MAGI2: variants seen among roughly 807,000 people sequenced by gnomAD.
MAGI2 encodes the protein membrane-associated guanylate kinase, WW and PDZ domain-containing protein 2.
In MAGI2, 35 loss-of-function variants were observed where a neutral mutation model predicts 133.3. The ratio of observed to expected loss-of-function variants is 0.26; its 90% CI spans 0.20 to 0.35. The LOEUF is 0.35. Among genes scored for constraint, MAGI2 ranks in the 10% least tolerant of loss-of-function variants. The pLI, the probability that MAGI2 is intolerant of heterozygous loss-of-function variation, is 1.00. For missense variants in MAGI2, 1,636 were observed against 1,863.4 expected, an observed-to-expected ratio of 0.88 and a Z score of 2.25; for synonymous variants, 729 against 710.6, an observed-to-expected ratio of 1.03 and a Z score of -0.41.
At chr7:79,379,554 T>C (rs573707537) in intron 1 of MAGI2, among the ~76,000 whole-genome samples, 21 of 152,080 alleles carry the variant, frequency 1.4e-4, no homozygotes, top group African/African-American at 5.1e-4. Flanking sequence ...TCCACAATGG[T>C]TGAACTAGTT....
intron 1 of MAGI2, among the ~76,000 whole-genome samples, chr7:79,433,600 G>T (rs549805087): frequency 1.3e-5 from 2 of 151,948 alleles, no homozygotes; most frequent in African/African-American, 4.8e-5. Context: ...GAGCCAACTT[G>T]CTTAATAAAC....
At chr7:78,352,160 C>G (rs1310892492) in intron 7 of MAGI2, among the ~76,000 whole-genome samples, 1 of 152,114 alleles carries the variant, frequency 6.6e-6, no homozygotes, top group Non-Finnish European at 1.5e-5. Context: ...ATTTATTTCC[C>G]AAAGTCTCTT....
intron 1 of MAGI2, among the ~76,000 whole-genome samples, chr7:79,086,165 G>GT (rs1816469216): frequency 6.6e-6 from 1 of 151,850 alleles, no homozygotes; most frequent in South Asian, 2.1e-4. Flanking sequence ...CTAAACAATT[G>GT]TTAGTGATTG....
chr7:78,986,024 C>A (rs565019981), intron 2 of MAGI2, among the ~76,000 whole-genome samples: 1 of 152,162 alleles, frequency 6.6e-6, no homozygotes, highest in South Asian at 2.1e-4. Flanking sequence ...TTGTCACATA[C>A]TATCAGTTAC....
chr7:78,486,399 T>C (rs141653880), intron 6 of MAGI2: 1,604 of 155,052 alleles, frequency 0.01, 11 homozygotes, highest in Non-Finnish European at 0.017. Flanking sequence ...TGGATCAAAT[T>C]CAGCCCGCCC....
At chr7:78,403,233 G>C (rs975428905) in intron 6 of MAGI2, among the ~76,000 whole-genome samples, 3 of 151,430 alleles carry the variant, frequency 2.0e-5, no homozygotes, top group Admixed American at 2.0e-4. Context: ...TCCCACCTAT[G>C]AGTGAGAACA....
At chr7:78,405,802 CTA>C (rs1251842375) in intron 6 of MAGI2, among the ~76,000 whole-genome samples, 1 of 151,864 alleles carries the variant, frequency 6.6e-6, no homozygotes, top group African/African-American at 2.4e-5. Context: ...TTTTGCATTT[CTA>C]TGTTTGACTT....
At chr7:78,405,043 C>T (rs1476824) in intron 6 of MAGI2, among the ~76,000 whole-genome samples, 123,299 of 152,078 alleles carry the variant, frequency 0.81, 50,136 homozygotes, top group African/African-American at 0.85. Flanking sequence ...CTGCAAACAA[C>T]TGGGGTTCTT....
chr7:78,279,833 G>T (rs138536912), intron 9 of MAGI2, among the ~76,000 whole-genome samples: 1 of 152,118 alleles, frequency 6.6e-6, no homozygotes, highest in African/African-American at 2.4e-5. Context: ...TCCAATAGCA[G>T]GATCTGTCAT....
intron 10 of MAGI2, among the ~76,000 whole-genome samples, chr7:78,232,033 T>C (rs1470617490): frequency 2.0e-5 from 3 of 151,774 alleles, no homozygotes; most frequent in Non-Finnish European, 4.4e-5. Flanking sequence ...TCAGGAACCA[T>C]TGCTAAGAGG....
chr7:78,600,390 A>T (rs1805071248), intron 3 of MAGI2, among the ~76,000 whole-genome samples: 1 of 152,202 alleles, frequency 6.6e-6, no homozygotes, highest in South Asian at 2.1e-4. Flanking sequence ...CAGTTAGCAA[A>T]AAAAGGTTTA....
chr7:78,112,397 C>G (rs1312695358), intron 20 of MAGI2, among the ~76,000 whole-genome samples: 9 of 152,176 alleles, frequency 5.9e-5, no homozygotes, highest in African/African-American at 2.2e-4. Context: ...TAATGCTAGG[C>G]ACAATAGGGT....
intron 2 of MAGI2, among the ~76,000 whole-genome samples, chr7:78,998,193 T>A (rs1468261031): frequency 6.6e-6 from 1 of 152,184 alleles, no homozygotes; most frequent in African/African-American, 2.4e-5. Context: ...TAAACGCACC[T>A]CTTTATGGTT....
intron 1 of MAGI2, among the ~76,000 whole-genome samples, chr7:79,042,655 C>T (rs1811777579): frequency 3.3e-5 from 5 of 151,980 alleles, no homozygotes; most frequent in Non-Finnish European, 7.4e-5. Context: ...ACTTCAACAC[C>T]CCACTGACAG....
intron 2 of MAGI2, among the ~76,000 whole-genome samples, chr7:78,976,269 C>A (rs1043514923): frequency 1.3e-5 from 2 of 151,484 alleles, no homozygotes; most frequent in Non-Finnish European, 3.0e-5. Flanking sequence ...AAAGCTGTTT[C>A]AACATTAGAC....
chr7:79,028,316 CACATATAT>C (rs1810201617), intron 1 of MAGI2, among the ~76,000 whole-genome samples: 3 of 122,810 alleles, frequency 2.4e-5, no homozygotes, highest in East Asian at 2.3e-4. Context: ...TATATATACA[CACATATAT>C]ATACATATAT....
intron 1 of MAGI2, among the ~76,000 whole-genome samples, chr7:79,165,431 C>A (rs1824818516): frequency 1.3e-5 from 2 of 152,034 alleles, no homozygotes. Context: ...CTAAGCCATG[C>A]AGTTCTGGGA....
intron 3 of MAGI2, among the ~76,000 whole-genome samples, chr7:78,547,957 T>C (rs1379903039): frequency 1.3e-5 from 2 of 152,164 alleles, no homozygotes; most frequent in African/African-American, 4.8e-5. Context: ...CTTAACCTTT[T>C]AAGCTTCTTT....
At chr7:78,955,407 T>C (rs1207564299) in intron 2 of MAGI2, among the ~76,000 whole-genome samples, 7 of 152,176 alleles carry the variant, frequency 4.6e-5, no homozygotes, top group African/African-American at 1.7e-4. Flanking sequence ...ATGCTGAGCA[T>C]ATATTTGTAA....
Sources: allele counts gnomAD v4.1 joint callset (sites outside exome capture counted in the v4.1 genomes callset), GRCh38; gene constraint gnomAD v4.1.1; transcripts MANE v1.5; gene names NCBI Gene and HGNC (gene_info 2026-07-23, HGNC 2026-07-21).